PCDHGA4: variants seen among roughly 807,000 people sequenced by gnomAD.
The protein encoded by PCDHGA4 is protocadherin gamma-A4.
A neutral mutation model predicts 54.6 loss-of-function variants in PCDHGA4; 38 were observed. That is an observed-to-expected ratio of 0.70 (90% CI 0.54 to 0.91). PCDHGA4 has a LOEUF of 0.91. PCDHGA4 is among the 40% of genes least tolerant of loss of function. The pLI, the probability that PCDHGA4 is intolerant of heterozygous loss-of-function variation, is 0.00. For missense variants in PCDHGA4, 1,298 were observed against 1,220.9 expected, an observed-to-expected ratio of 1.06 and a Z score of -0.94; for synonymous variants, 511 against 512.9, an observed-to-expected ratio of 1.00 and a Z score of 0.05.
Position 141,356,172 on chromosome 5 carries a change from G to A in PCDHGA4, c.1065G>A (p.Gly355=), listed in dbSNP as rs1760140235. The change falls in exon 1 of 4, where the codon GGG becomes GGA. Residue 355 remains glycine (G), a synonymous_variant. Transcript: ENST00000571252. ...FYDIDVEAHD[G]PGLRARSKVL... is the part of the protein sequence containing the mutation. Reference sequence around the variant, plus strand: ...ACATAGATGTAGAAGCCCATGATGGGCCTGGTCTCCGAGCTAGAAGCAAGG... The same window carrying A: ...ACATAGATGTAGAAGCCCATGATGGACCTGGTCTCCGAGCTAGAAGCAAGG... 6.2e-7 allele frequency: 1 copy of A among 1,612,824 alleles called. No individual in the cohort carries two copies.
intron 1 of PCDHGA4, chr5:141,422,014 C>A: frequency 6.2e-7 from 1 of 1,610,158 alleles, no homozygotes; most frequent in Non-Finnish European, 8.5e-7. Flanking sequence ...AACTCGGGTG[C>A]TGATGGTTAA....
chr5:141,477,752 G>C lies in PCDHGA4; in HGVS notation c.2515-17055G>C. On this transcript the variant is annotated intron_variant, in intron 1 of 3. Coordinates refer to ENST00000571252, the MANE Select transcript of PCDHGA4 (RefSeq NM_018917.4). This position sits in a 1 kb window ranked among gnomAD's most constrained non-coding sequence, Gnocchi z 4.9. ...TCATATCAGCGATGGGGGCACCCCG[G>C]TCCTAGCCACCAACATCAGCGTGAA... The C allele has an allele frequency of 6.2e-7, 1 of 1,613,868 alleles. No homozygotes were observed.
rs199519740 is a variant in PCDHGA4 at position 141,394,287 on chromosome 5, A to C, written c.2514+36666A>C. On this transcript the variant is annotated intron_variant, in intron 1 of 3. Transcript: ENST00000571252. ...GAATGCCCAGGTCACTTACTCTGTG[A>C]CCGAGGACACGCTGCAGGGGGCGCC... 122 of 1,613,772 alleles carry C rather than the reference A, an allele frequency of 7.6e-5. No individual in the cohort carries two copies. Among genetic ancestry groups the C allele is most frequent in the Non-Finnish European group, 9.6e-5 (113 of 1,179,878 alleles).
At chr5:141,459,035 AC>A (rs1337856322) in intron 1 of PCDHGA4, among the ~76,000 whole-genome samples, 1 of 152,218 alleles carries the variant, frequency 6.6e-6, no homozygotes, top group Non-Finnish European at 1.5e-5. Flanking sequence ...ATCCAGCCTT[AC>A]CAGCTATATT....
intron 1 of PCDHGA4, among the ~76,000 whole-genome samples, chr5:141,362,987 G>T (rs191534740): frequency 1.3e-5 from 2 of 152,326 alleles, no homozygotes; most frequent in Admixed American, 6.5e-5. Context: ...TTTGCATAAT[G>T]GCATGGCTTG....
chr5:141,411,752 C>T (rs2095512204), intron 1 of PCDHGA4: 1 of 152,734 alleles, frequency 6.5e-6, no homozygotes. Context: ...TGTGGTGGCA[C>T]ATGCCTGTGG....
intron 1 of PCDHGA4, among the ~76,000 whole-genome samples, chr5:141,381,244 C>G (rs554184818): frequency 6.6e-6 from 1 of 152,242 alleles, no homozygotes; most frequent in South Asian, 2.1e-4. Context: ...TCTCCAGGAC[C>G]TAGAAGAATT....
rs754410220 is a variant in PCDHGA4, at chr5:141,356,929, C to A, written c.1822C>A (p.Leu608Met). ...FPTDGSTGVE[L>M]APRSADSGYL... Reference sequence around the variant, plus strand: ...TACTGATGGCTCCACTGGTGTGGAGCTGGCACCCCGCTCCGCAGATTCCGG... The same window carrying A: ...TACTGATGGCTCCACTGGTGTGGAGATGGCACCCCGCTCCGCAGATTCCGG... The change falls in exon 1 of 4, where the codon CTG (leucine) becomes ATG (methionine). Residue 608 changes from leucine to methionine, a missense_variant. Coordinates refer to ENST00000571252, the MANE Select transcript of PCDHGA4 (RefSeq NM_018917.4). 18 of 1,614,216 alleles carry A rather than the reference C, an allele frequency of 1.1e-5. No individual in the cohort carries two copies. The South Asian group carries it at 2.0e-4, about 18-fold the overall frequency.
At chr5:141,422,503 A>G (rs2096653107) in intron 1 of PCDHGA4, 2 of 1,613,924 alleles carry the variant, frequency 1.2e-6, no homozygotes, top group Non-Finnish European at 1.7e-6. Context: ...GTTGACAGCC[A>G]CAGACCAGGG....
At chr5:141,449,566 G>A (rs1235137244) in intron 1 of PCDHGA4, among the ~76,000 whole-genome samples, 4 of 147,126 alleles carry the variant, frequency 2.7e-5, no homozygotes, top group East Asian at 4.0e-4. Context: ...TCCAGCCTGG[G>A]CGACAGAGCA....
At position 141,487,760 on chromosome 5, in the gene PCDHGA4, G is replaced by T; in HGVS notation, c.2515-7047G>T. On this transcript the variant is annotated intron_variant, in intron 1 of 3. Transcript: ENST00000571252. The surrounding 1 kb of genome is among the most constrained non-coding windows in gnomAD (Gnocchi z 5.0). Reference sequence around the variant, plus strand: ...TGTAAGAGGTAACTATGTGGTAGACGCTGTGCTTTGTAACTGTTTCGTGAA... The same window carrying T: ...TGTAAGAGGTAACTATGTGGTAGACTCTGTGCTTTGTAACTGTTTCGTGAA... 1 of 1,545,950 alleles carries T rather than the reference G, an allele frequency of 6.5e-7. No individual in the cohort carries two copies. The highest frequency in any genetic ancestry group is 1.4e-5 in the African/African-American group (1 of 73,162).
At position 141,487,728 on chromosome 5, in the gene PCDHGA4, C is replaced by T. The variant is rs986276637; in HGVS notation, c.2515-7079C>T. 2 of 1,570,444 alleles carry T rather than the reference C, an allele frequency of 1.3e-6. No homozygotes were observed. Among genetic ancestry groups the T allele is most frequent in the East Asian group, 2.3e-5 (1 of 42,866 alleles). ...TCAGTAAGTGCCCATAGTGATGTCA[C>T]CATTTTTGTAAGAGGTAACTATGTG... On this transcript the variant is annotated intron_variant, in intron 1 of 3. Coordinates refer to ENST00000571252, the MANE Select transcript of PCDHGA4 (RefSeq NM_018917.4). The surrounding 1 kb of genome is among the most constrained non-coding windows in gnomAD (Gnocchi z 5.0).
At chr5:141,371,789 T>G in intron 1 of PCDHGA4, 1 of 1,613,924 alleles carries the variant, frequency 6.2e-7, no homozygotes. Flanking sequence ...CTGAGAACAA[T>G]CCGCCTGGAG....
rs766784928 is a variant in PCDHGA4, at chr5:141,431,447, G to T, written c.2515-63360G>T. ...GCGCACAGGCACCGCGCGCATCCGC[G>T]TGATGGTTCTGGATGCGAACGACAA... On this transcript the variant is annotated intron_variant, in intron 1 of 3. Coordinates refer to ENST00000571252, the MANE Select transcript of PCDHGA4 (RefSeq NM_018917.4). The surrounding 1 kb of genome is among the most constrained non-coding windows in gnomAD (Gnocchi z 4.8). 2 of 1,613,792 alleles carry T rather than the reference G, an allele frequency of 1.2e-6. No individual in the cohort carries two copies. The highest frequency in any genetic ancestry group is 1.7e-6 in the Non-Finnish European group (2 of 1,180,014).
intron 1 of PCDHGA4, among the ~76,000 whole-genome samples, chr5:141,472,602 T>C (rs1032061805): frequency 4.6e-5 from 7 of 152,026 alleles, no homozygotes; most frequent in African/African-American, 1.4e-4. Context: ...CTTGAAATTA[T>C]AAAACAAAGA....
intron 1 of PCDHGA4, chr5:141,414,831 G>C: frequency 4.3e-6 from 7 of 1,614,212 alleles, no homozygotes; most frequent in Non-Finnish European, 5.9e-6. Flanking sequence ...ACGTGTCGTT[G>C]AGCCTGTTTG....
rs1561561698 is a variant in PCDHGA4 at position 141,374,186 on chromosome 5, A to G, written c.2514+16565A>G. 5 of 1,613,668 alleles carry G rather than the reference A, an allele frequency of 3.1e-6. No individual in the cohort carries two copies. The highest frequency in any genetic ancestry group is 3.3e-5 in the Admixed American group (2 of 60,008). On this transcript the variant is annotated intron_variant, in intron 1 of 3. Transcript: ENST00000571252. ...CGCGGCAGCGCAGATCCGCTACTCT[A>G]TTCCCGAGGAGCTGGAGAAAGGCTC... is the stretch of plus-strand genomic sequence containing the variant.
intron 1 of PCDHGA4, chr5:141,385,603 T>C: frequency 1.7e-6 from 2 of 1,190,158 alleles, no homozygotes; most frequent in South Asian, 5.3e-5. Flanking sequence ...CTTTCTTAAC[T>C]CATATATTTT....
rs767580455 is a variant in PCDHGA4 at position 141,402,948 on chromosome 5, C to G, written c.2514+45327C>G. The G allele has an allele frequency of 7.5e-6, 12 of 1,592,864 alleles. No individual in the cohort carries two copies. In the African/African-American group the frequency reaches 1.2e-4, roughly 16 times the overall value. On this transcript the variant is annotated intron_variant, in intron 1 of 3. Transcript: ENST00000571252. ...CTTTTGAGAAAATTCCAAAGCGAGG[C>G]AGCAATGGCAGCTCCAACCAAATGC... is the stretch of plus-strand genomic sequence containing the variant.
Sources: allele counts gnomAD v4.1 joint callset (sites outside exome capture counted in the v4.1 genomes callset), GRCh38; gene constraint gnomAD v4.1.1; non-coding constraint Gnocchi (gnomAD v3.1); transcripts MANE v1.5; gene names NCBI Gene and HGNC (gene_info 2026-07-23, HGNC 2026-07-21).